The following RPH3AL variants were observed in gnomAD, a reference collection of about 807,000 sequenced individuals.
RPH3AL encodes rabphilin 3A like (without C2 domains), also known as rab effector Noc2.
In RPH3AL, 38 loss-of-function variants were observed where a neutral mutation model predicts 43.1. That is an observed-to-expected ratio of 0.88 (90% CI 0.68 to 1.15). The LOEUF is 1.15. RPH3AL is among the 50% of genes most tolerant of loss of function. RPH3AL has a pLI of 0.00. For synonymous variants in RPH3AL, 189 were observed against 176.3 expected, an observed-to-expected ratio of 1.07 and a Z score of -0.57; for missense variants, 462 against 423.2, an observed-to-expected ratio of 1.09 and a Z score of -0.81.
At position 246,840 on chromosome 17, in the gene RPH3AL, T is replaced by C. The variant is rs1410201521; in HGVS notation, c.613+271A>G. Among the ~76,000 whole-genome samples the C allele has an allele frequency of 6.6e-6, 1 of 152,230 alleles. No homozygotes were observed. Among genetic ancestry groups the C allele is most frequent in the Non-Finnish European group, 1.5e-5 (1 of 68,032 alleles). ...AAGATGCGTAGTGCTGCTCATGGCA[T>C]CCTTGCCCCCAGAGCAGTACTTGTA... On this transcript the variant is annotated intron_variant, in intron 7 of 9. Transcript: ENST00000331302. The surrounding 1 kb of genome is among the most constrained non-coding windows in gnomAD (Gnocchi z 4.8).
chr17:329,845 C>CT (rs1047986523), intron 2 of RPH3AL, among the ~76,000 whole-genome samples: 1 of 152,168 alleles, frequency 6.6e-6, no homozygotes, highest in Non-Finnish European at 1.5e-5. Flanking sequence ...AAGAGGAGGA[C>CT]TTTTTTTACT....
At chr17:268,888 TA>T (rs892425745) in intron 6 of RPH3AL, among the ~76,000 whole-genome samples, 4 of 152,048 alleles carry the variant, frequency 2.6e-5, no homozygotes, top group African/African-American at 9.7e-5. Context: ...TATTTATTAT[TA>T]TTTTTTTGAG....
chr17:251,964 CT>C (rs71371530), intron 6 of RPH3AL, among the ~76,000 whole-genome samples: 10 of 129,284 alleles, frequency 7.7e-5, no homozygotes, highest in South Asian at 2.6e-4. Context: ...GAAGTTTTCT[CT>C]TTTTTTTTTA....
At chr17:276,777 G>A (rs2042665867) in intron 6 of RPH3AL, among the ~76,000 whole-genome samples, 2 of 151,954 alleles carry the variant, frequency 1.3e-5, no homozygotes, top group Non-Finnish European at 2.9e-5. Flanking sequence ...CATTTTCTGG[G>A]TACCAATTCT....
At chr17:229,168 G>A (rs1159203230) in intron 7 of RPH3AL, among the ~76,000 whole-genome samples, 5 of 152,148 alleles carry the variant, frequency 3.3e-5, no homozygotes, top group African/African-American at 9.7e-5. Context: ...GAAAGAAGCA[G>A]GGAAGACGCA....
intron 5 of RPH3AL, among the ~76,000 whole-genome samples, chr17:303,372 C>T (rs559587809): frequency 6.6e-6 from 1 of 151,344 alleles, no homozygotes; most frequent in South Asian, 2.1e-4. Context: ...GCCGGGGCAG[C>T]ACAGCGAGAC....
chr17:233,684 GTCTGTCT>G (rs2041283610), intron 7 of RPH3AL, among the ~76,000 whole-genome samples: 1 of 152,184 alleles, frequency 6.6e-6, no homozygotes. Context: ...ACCCCTATTG[GTCTGTCT>G]TCTTTCTTTT....
At chr17:339,835 C>T (rs992082958) in intron 1 of RPH3AL, among the ~76,000 whole-genome samples, 2 of 152,180 alleles carry the variant, frequency 1.3e-5, no homozygotes, top group Non-Finnish European at 2.9e-5. Context: ...AACTGTAAGT[C>T]GCGCAGTAAT....
At chr17:214,920 G>A (rs1171304433) in intron 9 of RPH3AL, among the ~76,000 whole-genome samples, 1 of 152,106 alleles carries the variant, frequency 6.6e-6, no homozygotes, top group Admixed American at 6.5e-5. Context: ...GAGGGAGGGG[G>A]CAGGGTCCAC....
rs775271426 is a variant in RPH3AL at position 213,870 on chromosome 17, G to A, written c.930C>T (p.Pro310=). The A allele has an allele frequency of 2.5e-6, 4 of 1,613,576 alleles. No homozygotes were observed. The highest frequency in any genetic ancestry group is 2.2e-5 in the East Asian group (1 of 44,896). The change falls in exon 10 of 10, where the codon CCC becomes CCT. Residue 310 remains proline (P), a synonymous_variant. Transcript: ENST00000331302. ...AGACACCTCAGCCCAGGCAGCTGGA[G>A]GGGCCTGCTGGAGCTGCGTCAGCAG... ...APAADAAPAG[P]SSCLG
At chr17:268,899 G>A (rs918689524) in intron 6 of RPH3AL, among the ~76,000 whole-genome samples, 14 of 151,896 alleles carry the variant, frequency 9.2e-5, no homozygotes, top group Non-Finnish European at 1.9e-4. Context: ...ATTTTTTTGA[G>A]ACGGAGTCTC....
chr17:303,726 G>C (rs943297796), intron 5 of RPH3AL, among the ~76,000 whole-genome samples: 2 of 72,278 alleles, frequency 2.8e-5, no homozygotes, highest in Admixed American at 1.6e-4. Context: ...TTATTGAGCA[G>C]TGACCGTGTC....
chr17:294,937 A>G (rs1486154430), intron 5 of RPH3AL, among the ~76,000 whole-genome samples: 3 of 62,196 alleles, frequency 4.8e-5, no homozygotes, highest in East Asian at 9.8e-4. Context: ...TGCTGCAGAA[A>G]TGGATGGACA....
rs968804262 is a variant in RPH3AL, at chr17:215,115, C to T, written c.876+539G>A. ...TGAATCCTCTGGCCAGGGAGGGGCC[C>T]AACCTGCCCAGGGCTTCTTTCTTGA... is the stretch of plus-strand genomic sequence containing the variant. On this transcript the variant is annotated intron_variant, in intron 9 of 9. Transcript: ENST00000331302. The surrounding 1 kb of genome is among the most constrained non-coding windows in gnomAD (Gnocchi z 4.1). 6.6e-6 allele frequency among the ~76,000 whole-genome samples: 1 copy of T among 152,200 alleles called. No individual in the cohort carries two copies. The highest frequency in any genetic ancestry group is 2.4e-5 in the African/African-American group (1 of 41,452).
intron 5 of RPH3AL, among the ~76,000 whole-genome samples, chr17:304,215 G>A (rs896003983): frequency 2.0e-5 from 3 of 150,934 alleles, no homozygotes; most frequent in African/African-American, 7.3e-5. Context: ...AGCAGTGACC[G>A]TGTCTCAGGC....
At position 274,380 on chromosome 17, in the gene RPH3AL, C is replaced by T. The variant is rs115234297; in HGVS notation, c.438+7388G>A. 4.6e-3 allele frequency among the ~76,000 whole-genome samples: 702 copies of T among 152,344 alleles called. 6 individuals carry two copies. The highest frequency in any genetic ancestry group is 0.016 in the African/African-American group (677 of 41,578). ...CTGGAGTAGGGGCAGCAGCTGAAGC[C>T]GCCTGGGCAGCCTTCCTGGCACTTC... On this transcript the variant is annotated intron_variant, in intron 6 of 9. Transcript: ENST00000331302. This position sits in a 1 kb window ranked among gnomAD's most constrained non-coding sequence, Gnocchi z 4.7.
chr17:308,174 G>T (rs779487765), intron 5 of RPH3AL, among the ~76,000 whole-genome samples: 10 of 152,220 alleles, frequency 6.6e-5, no homozygotes, highest in Non-Finnish European at 1.5e-4. Flanking sequence ...ATTTGCAGGC[G>T]ACTGAGATGA....
intron 3 of RPH3AL, 136 bp from the exon 4 acceptor site, chr17:321,551 G>T: frequency 1.9e-6 from 2 of 1,047,120 alleles, no homozygotes; most frequent in Non-Finnish European, 2.6e-6. Flanking sequence ...ACGAGCGCGG[G>T]CAGCAGAGAT....
intron 6 of RPH3AL, among the ~76,000 whole-genome samples, chr17:257,963 T>C (rs57557264): frequency 0.061 from 2,078 of 33,860 alleles, 312 homozygotes; most frequent in Middle Eastern, 0.075. Flanking sequence ...TCCCTAGGAA[T>C]GTGACTACCC....
Sources: allele counts gnomAD v4.1 joint callset (sites outside exome capture counted in the v4.1 genomes callset), GRCh38; gene constraint gnomAD v4.1.1; non-coding constraint Gnocchi (gnomAD v3.1); transcripts MANE v1.5; gene names NCBI Gene and HGNC (gene_info 2026-07-23, HGNC 2026-07-21).